The following NFATC3 variants were observed in gnomAD, a reference collection of about 807,000 sequenced individuals.
NFATC3 encodes the protein nuclear factor of activated T cells 3.
A neutral mutation model predicts 98.6 loss-of-function variants in NFATC3; 46 were observed. The observed-to-expected ratio is 0.47, with a 90% CI of 0.37 to 0.60. The LOEUF (loss-of-function observed/expected upper bound fraction) is 0.60. Among genes scored for constraint, NFATC3 ranks in the 20% least tolerant of loss-of-function variants. The pLI, the probability that NFATC3 is intolerant of heterozygous loss-of-function variation, is 0.00. For missense variants in NFATC3, 1,256 were observed against 1,295.5 expected, an observed-to-expected ratio of 0.97 and a Z score of 0.47; for synonymous variants, 512 against 472.2, an observed-to-expected ratio of 1.08 and a Z score of -1.09.
intron 9 of NFATC3, chr16:68,221,342 A>C: frequency 6.2e-7 from 1 of 1,604,306 alleles, no homozygotes; most frequent in Middle Eastern, 1.7e-4. Flanking sequence ...GAAGGAAAGC[A>C]GAGGACTTGC....
chr16:68,109,868 G>T (rs2035853831), intron 1 of NFATC3, among the ~76,000 whole-genome samples: 1 of 152,146 alleles, frequency 6.6e-6, no homozygotes, highest in Non-Finnish European at 1.5e-5. Flanking sequence ...GCATAAAGGT[G>T]TTTATAGTAT....
intron 5 of NFATC3, among the ~76,000 whole-genome samples, chr16:68,171,074 C>G (rs1206708906): frequency 6.6e-6 from 1 of 152,152 alleles, no homozygotes; most frequent in Non-Finnish European, 1.5e-5. Context: ...GTGGCACGAT[C>G]TCAGCTCACT....
chr16:68,105,410 T>C (rs1031237093), intron 1 of NFATC3, among the ~76,000 whole-genome samples: 1 of 152,142 alleles, frequency 6.6e-6, no homozygotes, highest in Non-Finnish European at 1.5e-5. Context: ...TTTTCTTCAC[T>C]CTATTAATAT....
chr16:68,154,032 T>A (rs2038480884), intron 3 of NFATC3, among the ~76,000 whole-genome samples: 1 of 152,142 alleles, frequency 6.6e-6, no homozygotes, highest in South Asian at 2.1e-4. Flanking sequence ...CCCTCCCACC[T>A]CAGCCTTCTA....
intron 5 of NFATC3, among the ~76,000 whole-genome samples, chr16:68,168,405 T>C (rs1428395684): frequency 7.3e-5 from 11 of 150,464 alleles, no homozygotes; most frequent in Non-Finnish European, 1.6e-4. Context: ...TGAAGTGATC[T>C]GCCCACCTCA....
At chr16:68,177,753 A>G (rs1445659453) in intron 6 of NFATC3, among the ~76,000 whole-genome samples, 1 of 150,842 alleles carries the variant, frequency 6.6e-6, no homozygotes, top group African/African-American at 2.5e-5. Flanking sequence ...AATTATGTTT[A>G]TGTCTTCTCA....
At chr16:68,157,552 C>T (rs2038684185) in intron 3 of NFATC3, among the ~76,000 whole-genome samples, 1 of 152,110 alleles carries the variant, frequency 6.6e-6, no homozygotes, top group Non-Finnish European at 1.5e-5. Context: ...GCCCAGAGTA[C>T]AGAATCAGTA....
intron 9 of NFATC3, among the ~76,000 whole-genome samples, chr16:68,219,872 A>T (rs547426529): frequency 6.6e-6 from 1 of 152,334 alleles, no homozygotes; most frequent in South Asian, 2.1e-4. Flanking sequence ...GTGAGGTTCC[A>T]TACTATATAC....
chr16:68,142,024 G>C (rs1381162753), intron 3 of NFATC3, among the ~76,000 whole-genome samples: 1 of 152,040 alleles, frequency 6.6e-6, no homozygotes, highest in Non-Finnish European at 1.5e-5. Flanking sequence ...TCTACGTGTG[G>C]CTGTCCTGTT....
At chr16:68,218,493 G>A (rs925203118) in intron 9 of NFATC3, among the ~76,000 whole-genome samples, 1 of 143,734 alleles carries the variant, frequency 7.0e-6, no homozygotes, top group Non-Finnish European at 1.5e-5. Context: ...CTCCAGCCTG[G>A]GCGACAGAAT....
chr16:68,122,258 T>A lies in NFATC3; in HGVS notation c.375T>A (p.Asp125Glu), dbSNP rs369216681. ...CTCCTAACTGTCATCAAGAATTAGA[T>A]GCACATGAAGATGACCTACAGATAA... is the stretch of plus-strand genomic sequence containing the variant. Reference protein sequence around the residue: ...SISPNCHQELDAHEDDLQIND... With the variant: ...SISPNCHQELEAHEDDLQIND... The change falls in exon 2 of 10, where the codon GAT becomes GAA. Residue 125 changes from aspartate to glutamate, a missense_variant. Physicochemically the swap from Asp to Glu is conservative, Grantham distance 45 (BLOSUM62 2). Transcript: ENST00000346183. 2.5e-6 allele frequency: 4 copies of A among 1,614,062 alleles called. No homozygotes were observed. Among genetic ancestry groups the A allele is most frequent in the Non-Finnish European group, 3.4e-6 (4 of 1,180,046 alleles).
intron 3 of NFATC3, among the ~76,000 whole-genome samples, chr16:68,137,028 A>G (rs1454914924): frequency 1.3e-5 from 2 of 152,212 alleles, no homozygotes; most frequent in Admixed American, 1.3e-4. Context: ...GGCCTAGGAC[A>G]TTACTGTACA....
At chr16:68,215,378 A>G (rs538288934) in intron 9 of NFATC3, among the ~76,000 whole-genome samples, 2 of 152,326 alleles carry the variant, frequency 1.3e-5, no homozygotes, top group South Asian at 2.1e-4. Context: ...TCCTCATATT[A>G]GGGGTGAGAA....
At chr16:68,115,309 G>T (rs1339006109) in intron 1 of NFATC3, among the ~76,000 whole-genome samples, 3 of 152,076 alleles carry the variant, frequency 2.0e-5, no homozygotes, top group Non-Finnish European at 4.4e-5. Flanking sequence ...TGATCCACCT[G>T]CCTCAGCTTC....
intron 1 of NFATC3, among the ~76,000 whole-genome samples, chr16:68,117,257 C>G (rs1395350676): frequency 6.6e-6 from 1 of 152,138 alleles, no homozygotes; most frequent in African/African-American, 2.4e-5. Flanking sequence ...GTTTTAGCTA[C>G]CATCATAATT....
rs1178914317 is a variant in NFATC3, at chr16:68,122,496, C to T, written c.613C>T (p.Leu205Phe). The T allele has an allele frequency of 1.2e-6, 2 of 1,613,994 alleles. No individual in the cohort carries two copies. The highest frequency in any genetic ancestry group is 2.2e-5 in the East Asian group (1 of 44,898). The change falls in exon 2 of 10, where the codon CTT becomes TTT. Residue 205 changes from leucine to phenylalanine, a missense_variant. This residue lies in a region of NFATC3 where 464 missense variants were observed against 465.7 expected (regional missense o/e 1.00). Transcript: ENST00000346183. ...ELNEAAARFT[L>F]GSPLTSPGGS... ...GAATGAAGCTGCAGCCCGATTTACC[C>T]TTGGATCCCCTCTGACTTCTCCTGG...
rs763980983 is a variant in NFATC3, at chr16:68,191,029, A to G, written c.2360A>G (p.His787Arg). 43 of 1,614,082 alleles carry G rather than the reference A, an allele frequency of 2.7e-5. No homozygotes were observed. In the South Asian group the frequency reaches 4.6e-4, roughly 17 times the overall value. ...EQHMIPSPIV[H>R]QPFQVTPTPP... ...CATATGATTCCTTCTCCAATTGTAC[A>G]CCAGCCTTTTCAAGTCACACCAACA... is the stretch of plus-strand genomic sequence containing the variant. Residue 787 changes from histidine to arginine, a missense_variant, in exon 9 of 10, where the codon CAC becomes CGC. Transcript: ENST00000346183.
chr16:68,185,178 C>T (rs537663661), intron 8 of NFATC3, among the ~76,000 whole-genome samples: 44 of 152,068 alleles, frequency 2.9e-4, no homozygotes, highest in Admixed American at 9.2e-4. Flanking sequence ...GGTTTCACCA[C>T]GTTGGCCAGG....
chr16:68,098,555 G>A (rs573082369), intron 1 of NFATC3, among the ~76,000 whole-genome samples: 54 of 152,106 alleles, frequency 3.6e-4, no homozygotes, highest in Middle Eastern at 3.4e-3. Flanking sequence ...CCGCCTCAGC[G>A]TCCCAAAGTG....
Sources: gnomAD v4.1 joint callset for allele counts (sites outside exome capture counted in the v4.1 genomes callset) on GRCh38, gnomAD v4.1.1 for gene constraint, gnomAD v4.1.1 regional missense constraint, MANE v1.5 for transcripts, NCBI Gene and HGNC (gene_info 2026-07-23, HGNC 2026-07-21) for gene names.